Variants in PIK3C2G observed in about 807,000 individuals in gnomAD.
The protein encoded by PIK3C2G is phosphatidylinositol 3-kinase C2 domain-containing subunit gamma.
A neutral mutation model predicts 181.1 loss-of-function variants in PIK3C2G; 168 were observed. The observed-to-expected ratio is 0.93, with a 90% CI of 0.82 to 1.05. The LOEUF is 1.05. PIK3C2G is among the 50% of genes least tolerant of loss of function. The probability of loss-of-function intolerance (pLI) is 0.00; values close to 1 mark genes in which losing one functional copy is unlikely to be tolerated. For missense variants in PIK3C2G, 1,869 were observed against 1,732.8 expected (o/e 1.08, Z -1.40); for synonymous variants, 573 against 592.2 (o/e 0.97, Z 0.47).
At chr12:18,436,739 C>T (rs1946470488) in intron 18 of PIK3C2G, among the ~76,000 whole-genome samples, 1 of 151,906 alleles carries the variant, frequency 6.6e-6, no homozygotes, top group Non-Finnish European at 1.5e-5. Flanking sequence ...AAAAAATGGA[C>T]TCTCTAGCTC....
At chr12:18,665,619 C>G in the PIK3C2G span, among the ~76,000 whole-genome samples, 1 of 152,052 alleles carries the variant, frequency 6.6e-6, no homozygotes, top group African/African-American at 2.4e-5. Context: ...ATAGTGAAAC[C>G]CTGTCTGTAC....
chr12:18,601,377 A>G (rs1449191340), intron 30 of PIK3C2G, among the ~76,000 whole-genome samples: 1 of 152,130 alleles, frequency 6.6e-6, no homozygotes, highest in African/African-American at 2.4e-5. Context: ...AGAAAGTTCA[A>G]CACCATATAT....
chr12:18,327,906 A>T (rs569113034), intron 8 of PIK3C2G, among the ~76,000 whole-genome samples: 1 of 152,092 alleles, frequency 6.6e-6, no homozygotes, highest in South Asian at 2.1e-4. Context: ...AATAATATAC[A>T]CAATGGTGTC....
At chr12:18,476,523 T>A (rs546528074) in intron 18 of PIK3C2G, among the ~76,000 whole-genome samples, 1 of 152,132 alleles carries the variant, frequency 6.6e-6, no homozygotes, top group South Asian at 2.1e-4. Flanking sequence ...CGGGAAAAAA[T>A]TCACAGGTAA....
At chr12:18,518,739 G>A (rs182221565) in intron 24 of PIK3C2G, among the ~76,000 whole-genome samples, 2 of 152,062 alleles carry the variant, frequency 1.3e-5, no homozygotes, top group Admixed American at 1.3e-4. Context: ...CTTCAATTCT[G>A]CTTTAATCTT....
At chr12:18,275,663 G>T (rs1215090324) in intron 1 of PIK3C2G, among the ~76,000 whole-genome samples, 2 of 152,140 alleles carry the variant, frequency 1.3e-5, no homozygotes, top group African/African-American at 4.8e-5. Context: ...TTACAGTCGT[G>T]GGCCACCATG....
In PIK3C2G at chr12:18,597,619, T is replaced by C. The variant is rs1481155978; in HGVS notation, c.4087+3050T>C. On this transcript the variant is annotated intron_variant, in intron 30 of 32. Transcript: ENST00000538779. Reference sequence around the variant, plus strand: ...ATTTTTGTATCAATCACCACTCCTATTCAACATAGTGTTGGAAGTTCTGGC... The same window carrying C: ...ATTTTTGTATCAATCACCACTCCTACTCAACATAGTGTTGGAAGTTCTGGC... Among the ~76,000 whole-genome samples, 6 of 152,220 alleles carry C rather than the reference T, an allele frequency of 3.9e-5. No individual in the cohort carries two copies. In the East Asian group the frequency reaches 1.2e-3, roughly 29 times the overall value.
At chr12:18,528,808 G>C (rs1011855279) in intron 24 of PIK3C2G, among the ~76,000 whole-genome samples, 1 of 152,148 alleles carries the variant, frequency 6.6e-6, no homozygotes, top group African/African-American at 2.4e-5. Context: ...GCACAATCAA[G>C]TGCCCTGTAG....
chr12:18,692,846 G>T, the PIK3C2G span: 1 of 1,593,058 alleles, frequency 6.3e-7, no homozygotes, highest in Non-Finnish European at 8.6e-7. Context: ...ACAAGAAAAA[G>T]AAATATGAAC....
chr12:18,693,456 C>T, the PIK3C2G span: 3 of 1,605,628 alleles, frequency 1.9e-6, no homozygotes, highest in Middle Eastern at 2.2e-4. Context: ...CTCTGTGGTC[C>T]ACCTGGCACA....
intron 18 of PIK3C2G, 61 bp downstream of exon 18, chr12:18,424,100 C>T: frequency 1.1e-6 from 1 of 938,094 alleles, no homozygotes; most frequent in Non-Finnish European, 1.7e-6. Flanking sequence ...TATGGGGCAG[C>T]TTTAGAGGAA....
rs181840014 is a variant in PIK3C2G, at chr12:18,279,988, T to A, written c.-78-2016T>A. On this transcript the variant is annotated intron_variant, in intron 1 of 32. Coordinates refer to ENST00000538779, the MANE Select transcript of PIK3C2G (RefSeq NM_001288772.2). ...AATTTAAATGCCAACATAATAAAAA[T>A]CAAATTGCATTGCAACAAAAGATTG... 1.2e-3 allele frequency among the ~76,000 whole-genome samples: 179 copies of A among 152,122 alleles called. 4 individuals are homozygous for A. The East Asian group carries it at 0.03, about 26-fold the overall frequency.
chr12:18,609,689 C>T, intron 31 of PIK3C2G, 60 bp downstream of exon 31: 1 of 1,008,364 alleles, frequency 9.9e-7, no homozygotes, highest in Non-Finnish European at 1.5e-6. Context: ...CACTTACCTC[C>T]TTTGGGCAAT....
At chr12:18,441,392 G>A (rs567531317) in intron 18 of PIK3C2G, among the ~76,000 whole-genome samples, 16 of 152,276 alleles carry the variant, frequency 1.1e-4, no homozygotes, top group African/African-American at 3.8e-4. Flanking sequence ...TGAAAAGAGT[G>A]TTGCTTCTTT....
intron 26 of PIK3C2G, among the ~76,000 whole-genome samples, chr12:18,550,510 T>C (rs1217202469): frequency 1.3e-5 from 2 of 151,950 alleles, no homozygotes; most frequent in African/African-American, 2.4e-5. Flanking sequence ...GCAGACCTCG[T>C]TGCACATAAT....
At chr12:18,406,932 T>C (rs1047645829) in intron 16 of PIK3C2G, among the ~76,000 whole-genome samples, 2 of 152,210 alleles carry the variant, frequency 1.3e-5, no homozygotes, top group African/African-American at 4.8e-5. Flanking sequence ...TTGGAGTTTC[T>C]TGAGTTATTT....
intron 18 of PIK3C2G, among the ~76,000 whole-genome samples, chr12:18,479,654 T>A (rs899771125): frequency 6.6e-6 from 1 of 152,144 alleles, no homozygotes; most frequent in African/African-American, 2.4e-5. Context: ...ACCTCACCAA[T>A]GCCAACATTT....
intron 30 of PIK3C2G, among the ~76,000 whole-genome samples, chr12:18,602,971 C>T (rs372103011): frequency 1.1e-4 from 16 of 152,248 alleles, no homozygotes; most frequent in African/African-American, 3.9e-4. Flanking sequence ...GGCTCATCAA[C>T]ACCCACTAAA....
At chr12:18,397,187 G>A (rs1343546954) in intron 15 of PIK3C2G, among the ~76,000 whole-genome samples, 2 of 151,572 alleles carry the variant, frequency 1.3e-5, no homozygotes, top group Non-Finnish European at 3.0e-5. Flanking sequence ...TGTACTTTCA[G>A]CAAGTAAAAT....
Sources: gnomAD v4.1 joint callset for allele counts (sites outside exome capture counted in the v4.1 genomes callset) on GRCh38, gnomAD v4.1.1 for gene constraint, MANE v1.5 for transcripts, NCBI Gene and HGNC (gene_info 2026-07-23, HGNC 2026-07-21) for gene names.